The following ZNF771 variants were observed in gnomAD, a reference collection of about 807,000 sequenced individuals.
The protein encoded by ZNF771 is zinc finger protein 771.
In ZNF771, 10 loss-of-function variants were observed where a neutral mutation model predicts 27.6. The observed-to-expected ratio is 0.36, with a 90% CI of 0.22 to 0.61. The LOEUF is 0.61. ZNF771 is among the 20% of genes least tolerant of loss of function. The probability of loss-of-function intolerance (pLI) is 0.70; values close to 1 mark genes in which losing one functional copy is unlikely to be tolerated. For missense variants in ZNF771, 438 were observed against 503.7 expected (o/e 0.87, Z 1.25); for synonymous variants, 261 against 225.2 (o/e 1.16, Z -1.43).
rs1597032684 is a variant in ZNF771, at chr16:30,416,911, CCTGT to C, written c.142-641_142-638del. 3.4e-5 allele frequency among the ~76,000 whole-genome samples: 5 copies of C among 148,226 alleles called. No homozygotes were observed. In the East Asian group the frequency reaches 7.9e-4, roughly 23 times the overall value. ...GACCAAGCCTGGGCCACGGCAAGAC[CCTGT>C]CTCTTAAAAAAAAAAAAAAAAAAAA... On this transcript the variant is annotated intron_variant, in intron 2 of 2. Coordinates refer to ENST00000319296, the MANE Select transcript of ZNF771 (RefSeq NM_001142305.2).
At chr16:30,417,479 G>A (rs1192644356) in intron 2 of ZNF771, 76 bp from the exon 3 acceptor site, 2 of 1,021,058 alleles carry the variant, frequency 2.0e-6, no homozygotes, top group Non-Finnish European at 2.5e-6. Flanking sequence ...CTCACAGAGG[G>A]AGCAGCCTGT....
intron 2 of ZNF771, among the ~76,000 whole-genome samples, chr16:30,411,433 T>C (rs1832793321): frequency 1.3e-5 from 2 of 152,012 alleles, no homozygotes; most frequent in Admixed American, 6.6e-5. Context: ...GTAACAGCAA[T>C]GATGAGGAAA....
Position 30,408,117 on chromosome 16 carries a change from C to T in ZNF771, c.64C>T (p.Leu22=). 6.2e-7 allele frequency: 1 copy of T among 1,609,076 alleles called. No individual in the cohort carries two copies. The highest frequency in any genetic ancestry group is 8.5e-7 in the Non-Finnish European group (1 of 1,176,044). ...EEEMQEEMVL[L]VKGEEDEGEE... is the part of the protein sequence containing the mutation. Reference sequence around the variant, plus strand: ...AGAGATGCAGGAGGAGATGGTGCTGCTGGTGAAGGGTGAGGAGGATGAGGG... The same window carrying T: ...AGAGATGCAGGAGGAGATGGTGCTGTTGGTGAAGGGTGAGGAGGATGAGGG... Residue 22 remains leucine (L), a synonymous_variant, in exon 2 of 3, where the codon CTG becomes TTG. Transcript: ENST00000319296.
chr16:30,415,507 C>T (rs975670517), intron 2 of ZNF771, among the ~76,000 whole-genome samples: 1 of 151,410 alleles, frequency 6.6e-6, no homozygotes, highest in East Asian at 2.0e-4. Context: ...CTCAGCCTCC[C>T]GAGTAGCTGG....
Position 30,417,573 on chromosome 16 carries a change from G to T in ZNF771, c.160G>T (p.Ala54Ser). The change falls in exon 3 of 3, where the codon GCG becomes TCG. Residue 54 changes from alanine (A) to serine (S), a missense_variant. Physicochemically the swap from Ala to Ser is moderately conservative, Grantham distance 99 (BLOSUM62 1). This residue lies in a region of ZNF771 where 84 missense variants were observed against 89.2 expected (regional missense o/e 0.94). Transcript: ENST00000319296. ...DNKEVPGEAP[A>S]PSADPARPHA... is the part of the protein sequence containing the mutation. ...CCCGCAGGTCCCGGGCGAGGCGCCC[G>T]CGCCGTCCGCCGACCCGGCGCGTCC... 1 of 1,226,008 alleles carries T rather than the reference G, an allele frequency of 8.2e-7. No homozygotes were observed. The highest frequency in any genetic ancestry group is 1.0e-6 in the Non-Finnish European group (1 of 986,030). 75.9% of individuals were successfully genotyped at this position (1,226,008 alleles called of 1,614,324 possible). A position where few individuals can be genotyped will look rare whatever the true frequency, so the allele number is the denominator to read the frequency against.
In ZNF771 at chr16:30,417,995, A is replaced by G; in HGVS notation, c.582A>G (p.Arg194=). The G allele has an allele frequency of 7.0e-7, 1 of 1,437,504 alleles. No homozygotes were observed. Among genetic ancestry groups the G allele is most frequent in the South Asian group, 1.4e-5 (1 of 73,038 alleles). 89.0% of individuals were successfully genotyped at this position (1,437,504 alleles called of 1,614,324 possible). Residue 194 remains arginine (R), a synonymous_variant, in exon 3 of 3, where the codon CGA becomes CGG. Coordinates refer to ENST00000319296, the MANE Select transcript of ZNF771 (RefSeq NM_001142305.2). ...FGGSSCLARH[R]RTHTGERPYA... ...GCAGCTCGTGCCTGGCGCGCCACCG[A>G]CGCACGCACACGGGCGAGCGGCCCT...
chr16:30,410,573 T>C (rs1282875415), intron 2 of ZNF771, among the ~76,000 whole-genome samples: 1 of 151,604 alleles, frequency 6.6e-6, no homozygotes. Context: ...GTTTGGCACA[T>C]GGAGGAGGAG....
chr16:30,417,083 G>A (rs2050138229), intron 2 of ZNF771, among the ~76,000 whole-genome samples: 1 of 152,164 alleles, frequency 6.6e-6, no homozygotes, highest in African/African-American at 2.4e-5. Flanking sequence ...TCTGCGCCCT[G>A]CCGTTCCCTC....
intron 2 of ZNF771, among the ~76,000 whole-genome samples, chr16:30,408,947 C>G (rs1172881855): frequency 6.6e-6 from 1 of 150,464 alleles, no homozygotes. Context: ...GCTGGGACTA[C>G]AGGCATGCAC....
At chr16:30,416,201 A>T (rs1464830962) in intron 2 of ZNF771, among the ~76,000 whole-genome samples, 1 of 151,962 alleles carries the variant, frequency 6.6e-6, no homozygotes, top group Non-Finnish European at 1.5e-5. Context: ...GCTTCTCCCC[A>T]TCTTGCTGCC....
intron 2 of ZNF771, among the ~76,000 whole-genome samples, chr16:30,415,200 C>T (rs1293711040): frequency 4.6e-5 from 7 of 151,264 alleles, no homozygotes; most frequent in Non-Finnish European, 2.9e-5. Flanking sequence ...TCAAGTGATC[C>T]GCCCACCTCG....
At chr16:30,412,004 C>A (rs1315049721) in intron 2 of ZNF771, among the ~76,000 whole-genome samples, 4 of 152,162 alleles carry the variant, frequency 2.6e-5, no homozygotes. Flanking sequence ...CTGGCTTGAA[C>A]CCTTGAGTGG....
intron 2 of ZNF771, among the ~76,000 whole-genome samples, chr16:30,416,398 C>T (rs2050134324): frequency 6.6e-6 from 1 of 152,182 alleles, no homozygotes; most frequent in Admixed American, 6.6e-5. Flanking sequence ...GCTCCTCCCA[C>T]CGTCCTCATC....
chr16:30,410,181 G>A (rs570601075), intron 2 of ZNF771, among the ~76,000 whole-genome samples: 7 of 150,480 alleles, frequency 4.7e-5, no homozygotes, highest in East Asian at 2.0e-4. Flanking sequence ...TTGGTTCACC[G>A]CACCTCCACC....
intron 2 of ZNF771, among the ~76,000 whole-genome samples, chr16:30,413,286 G>A (rs955002253): frequency 1.3e-5 from 2 of 151,980 alleles, no homozygotes; most frequent in African/African-American, 4.8e-5. Context: ...GACATGCTTG[G>A]GCCATTAATG....
In ZNF771 at chr16:30,417,716, A is replaced by G; in HGVS notation, c.303A>G (p.Ser101=). 1.4e-6 allele frequency: 2 copies of G among 1,379,790 alleles called. No individual in the cohort carries two copies. The highest frequency in any genetic ancestry group is 3.1e-5 in the East Asian group (1 of 32,066). 85.5% of individuals were successfully genotyped at this position (1,379,790 alleles called of 1,614,324 possible). The change falls in exon 3 of 3, where the codon TCA becomes TCG. Residue 101 remains serine, a synonymous_variant. Transcript: ENST00000319296. ...GCACCGAGTGCGGGCGGCGCTTCTCACAGAAGTCGGCGCTGACCAAACACG... is the reference window on the plus strand; with the variant it reads ...GCACCGAGTGCGGGCGGCGCTTCTCGCAGAAGTCGGCGCTGACCAAACACG... ...FGCTECGRRF[S]QKSALTKHGR... is the part of the protein sequence containing the mutation.
At position 30,418,323 on chromosome 16, in the gene ZNF771, G is replaced by A; in HGVS notation, c.910G>A (p.Ala304Thr). The A allele has an allele frequency of 1.4e-6, 2 of 1,470,904 alleles. No individual in the cohort carries two copies. Among genetic ancestry groups the A allele is most frequent in the South Asian group, 1.3e-5 (1 of 76,096 alleles). The allele number at this position is 1,470,904 out of a possible 1,614,324, so 91.1% of individuals were successfully genotyped here. ...CTTCAAGCTGCCCCCTGGCGCCACG[G>A]CCGCCACTGCCACCGAGCGTTGCCC... ...RDFKLPPGATAATATERCPEC... is the reference protein window; with the variant it reads ...RDFKLPPGATTATATERCPEC... The change falls in exon 3 of 3, where the codon GCC (alanine) becomes ACC (threonine). Residue 304 changes from alanine to threonine, a missense_variant. Transcript: ENST00000319296.
At chr16:30,413,551 T>C in intron 2 of ZNF771, 1 of 380,556 alleles carries the variant, frequency 2.6e-6, no homozygotes, top group South Asian at 1.7e-5. Context: ...TTATACCTCA[T>C]GCTGGGAAAT....
chr16:30,409,685 C>T lies in ZNF771; in HGVS notation c.141+1491C>T, dbSNP rs556178804. Among the ~76,000 whole-genome samples, 494 of 152,278 alleles carry T rather than the reference C, an allele frequency of 3.2e-3. 2 individuals are homozygous for T. The highest frequency in any genetic ancestry group is 0.011 in the African/African-American group (469 of 41,546). ...GCTGGGTGCTGGGGGAGGGGACTAG[C>T]TCCTTAGGCCTCTGGATAGTCTAAT... On this transcript the variant is annotated intron_variant, in intron 2 of 2. Coordinates refer to ENST00000319296, the MANE Select transcript of ZNF771 (RefSeq NM_001142305.2).
Sources: allele counts gnomAD v4.1 joint callset (sites outside exome capture counted in the v4.1 genomes callset), GRCh38; gene constraint gnomAD v4.1.1; regional missense constraint gnomAD v4.1.1; transcripts MANE v1.5; gene names NCBI Gene and HGNC (gene_info 2026-07-23, HGNC 2026-07-21).